Variants in MAP4K1 observed in about 807,000 individuals in gnomAD.
MAP4K1 encodes mitogen-activated protein kinase kinase kinase kinase 1, also known as MAPK/ERK kinase kinase kinase 1.
A neutral mutation model predicts 122.8 loss-of-function variants in MAP4K1; 35 were observed. That is an observed-to-expected ratio of 0.29 (90% CI 0.22 to 0.38). MAP4K1 has a LOEUF of 0.38. Among genes scored for constraint, MAP4K1 ranks in the 10% least tolerant of loss-of-function variants. The pLI is 1.00. For missense variants in MAP4K1, 791 were observed against 1,072.6 expected (o/e 0.74, Z 3.67); for synonymous variants, 412 against 421.3 (o/e 0.98, Z 0.27).
intron 22 of MAP4K1, 57 bp downstream of exon 22, chr19:38,599,868 C>A: frequency 1.3e-6 from 2 of 1,549,686 alleles, no homozygotes; most frequent in Non-Finnish European, 1.8e-6. Flanking sequence ...TCCCAGCCCC[C>A]GAACCCTTGG....
rs1229890305 is a variant in MAP4K1, at chr19:38,597,189, C to T, written c.1838-52G>A. On this transcript the variant is annotated intron_variant, in intron 24 of 30. Coordinates refer to ENST00000396857, the MANE Select transcript of MAP4K1 (RefSeq NM_001042600.3). This position sits in a 1 kb window ranked among gnomAD's most constrained non-coding sequence, Gnocchi z 4.6. ...GATCAATGCCCTCTATCCTCCTCGC[C>T]ACCCACACTACCACCCATCTTCTGG... is the stretch of plus-strand genomic sequence containing the variant. The T allele has an allele frequency of 6.2e-7, 1 of 1,600,568 alleles. No individual in the cohort carries two copies. Among genetic ancestry groups the T allele is most frequent in the Non-Finnish European group, 8.6e-7 (1 of 1,168,080 alleles).
rs1265303754 is a variant in MAP4K1, at chr19:38,617,508, CCAGTG to C, written c.157+55_157+59del. ...GGAGAGAGCTACAGGGGAGGTGATC[CCAGTG>C]TCCCAGGAGGCGAAGGTGGGGATGT... On this transcript the variant is annotated intron_variant, in intron 2 of 30. Coordinates refer to ENST00000396857, the MANE Select transcript of MAP4K1 (RefSeq NM_001042600.3). This position sits in a 1 kb window ranked among gnomAD's most constrained non-coding sequence, Gnocchi z 4.1. 1.1e-3 allele frequency: 1,731 copies of C among 1,608,526 alleles called. 16 individuals are homozygous for C. The African/African-American group carries it at 0.021, about 20-fold the overall frequency.
In MAP4K1 at chr19:38,596,468, G is replaced by C; in HGVS notation, c.1960C>G (p.Pro654Ala). ...AGCGCGAACACGGACAGAGGCGTCG[G>C]CAGTGGGAACAGCACCTGCTGCGGG... ...LLVRQVLFPLPTPLSVFALLT... is the reference protein window; with the variant it reads ...LLVRQVLFPLATPLSVFALLT... The change falls in exon 26 of 31, where the codon CCG (proline) becomes GCG (alanine). Residue 654 changes from proline to alanine, a missense_variant. Coordinates refer to ENST00000396857, the MANE Select transcript of MAP4K1 (RefSeq NM_001042600.3). The C allele has an allele frequency of 6.4e-7, 1 of 1,571,492 alleles. No homozygotes were observed. The highest frequency in any genetic ancestry group is 8.6e-7 in the Non-Finnish European group (1 of 1,162,166).
rs1027974708 is a variant in MAP4K1, at chr19:38,615,252, GGGA to G, written c.314-810_314-808del. On this transcript the variant is annotated intron_variant, in intron 4 of 30. Transcript: ENST00000396857. ...TGGAGTGGAGGGGGAGGAGGAAAGT[GGGA>G]GGAGGTGAGATTGGCCAGCATGGGG... Among the ~76,000 whole-genome samples, 26 of 151,960 alleles carry G rather than the reference GGGA, an allele frequency of 1.7e-4. 1 individual carries two copies. The highest frequency in any genetic ancestry group is 6.3e-4 in the African/African-American group (26 of 41,458).
At chr19:38,602,712 A>G (rs1975126186) in intron 19 of MAP4K1, among the ~76,000 whole-genome samples, 1 of 149,642 alleles carries the variant, frequency 6.7e-6, no homozygotes, top group African/African-American at 2.4e-5. Context: ...ACATGTATAC[A>G]TATATACACA....
intron 19 of MAP4K1, among the ~76,000 whole-genome samples, chr19:38,604,538 C>A (rs1476688650): frequency 6.6e-6 from 1 of 152,186 alleles, no homozygotes; most frequent in African/African-American, 2.4e-5. Flanking sequence ...TGACTGTAAT[C>A]CCAGCACTTT....
At chr19:38,605,042 G>A (rs181115114) in intron 19 of MAP4K1, among the ~76,000 whole-genome samples, 1 of 149,608 alleles carries the variant, frequency 6.7e-6, no homozygotes, top group East Asian at 2.0e-4. Flanking sequence ...AGCTAAGATC[G>A]CGCCACTGTA....
At position 38,617,952 on chromosome 19, in the gene MAP4K1, C is replaced by A. The variant is rs1394295376; in HGVS notation, c.-57G>T. ...GGGCCAGCAGGGCCTCAGGGCTCAACTTCTGGCACCTCCCTCCGTCCCCAG... is the reference window on the plus strand; with the variant it reads ...GGGCCAGCAGGGCCTCAGGGCTCAAATTCTGGCACCTCCCTCCGTCCCCAG... On this transcript the variant is annotated 5_prime_UTR_variant, in exon 1 of 31. Coordinates refer to ENST00000396857, the MANE Select transcript of MAP4K1 (RefSeq NM_001042600.3). This position sits in a 1 kb window ranked among gnomAD's most constrained non-coding sequence, Gnocchi z 4.1. 1.2e-5 allele frequency: 17 copies of A among 1,425,274 alleles called. No individual in the cohort carries two copies. The highest frequency in any genetic ancestry group is 1.7e-5 in the Non-Finnish European group (17 of 1,010,272). The allele number at this position is 1,425,274 out of a possible 1,614,324, so 88.3% of individuals were successfully genotyped here. A position where few individuals can be genotyped will look rare whatever the true frequency, so the allele number is the denominator to read the frequency against.
chr19:38,601,087 T>C (rs1346405328), intron 20 of MAP4K1, among the ~76,000 whole-genome samples: 1 of 152,094 alleles, frequency 6.6e-6, no homozygotes, highest in African/African-American at 2.4e-5. Flanking sequence ...ATTACAGGCG[T>C]GAGCCACCAT....
intron 25 of MAP4K1, 135 bp from the exon 26 acceptor site, chr19:38,596,621 G>T: frequency 3.8e-6 from 3 of 785,970 alleles, no homozygotes; most frequent in Non-Finnish European, 5.9e-6. Context: ...AATGTCAGGG[G>T]ATAAGGCCTG....
At chr19:38,589,530 C>T (rs1974642071) in intron 30 of MAP4K1, among the ~76,000 whole-genome samples, 1 of 151,510 alleles carries the variant, frequency 6.6e-6, no homozygotes, top group Non-Finnish European at 1.5e-5. Context: ...CTTCTCCTGC[C>T]TCAGCCTCCC....
chr19:38,602,544 A>G lies in MAP4K1; in HGVS notation c.1447-1019T>C, dbSNP rs532153761. Among the ~76,000 whole-genome samples the G allele has an allele frequency of 2.0e-5, 3 of 147,984 alleles. No homozygotes were observed. The East Asian group carries it at 5.9e-4, about 29-fold the overall frequency. ...TACGCATATACATATATACACATAT[A>G]CATATATATACACACATATACATAT... On this transcript the variant is annotated intron_variant, in intron 19 of 30. Transcript: ENST00000396857.
chr19:38,599,779 G>A, intron 22 of MAP4K1, 146 bp downstream of exon 22: 1 of 779,064 alleles, frequency 1.3e-6, no homozygotes, highest in Non-Finnish European at 2.2e-6. Flanking sequence ...GGGGAGCACA[G>A]TCAAAAAGTG....
chr19:38,603,123 T>G (rs1167584344), intron 19 of MAP4K1, among the ~76,000 whole-genome samples: 1 of 115,982 alleles, frequency 8.6e-6, no homozygotes, highest in South Asian at 3.7e-4. Flanking sequence ...CACATGTACA[T>G]ATATACGCAT....
intron 13 of MAP4K1, among the ~76,000 whole-genome samples, chr19:38,608,799 CAAAAAAAAAA>C (rs1031744033): frequency 2.9e-3 from 28 of 9,556 alleles, no homozygotes; most frequent in Non-Finnish European, 2.2e-3. Flanking sequence ...AACTCCGTCT[CAAAAAAAAAA>C]AAAAAAAAAA....
At chr19:38,615,757 A>C (rs1044622298) in intron 4 of MAP4K1, among the ~76,000 whole-genome samples, 61 of 152,232 alleles carry the variant, frequency 4.0e-4, no homozygotes, top group African/African-American at 1.5e-3. Context: ...TCCCAGAATC[A>C]AACGATTCTC....
rs1374090903 is a variant in MAP4K1 at position 38,590,415 on chromosome 19, A to G, written c.2397-2598T>C. Among the ~76,000 whole-genome samples, 9 of 89,508 alleles carry G rather than the reference A, an allele frequency of 1.0e-4. 1 individual carries two copies. Among genetic ancestry groups the G allele is most frequent in the South Asian group, 4.2e-4 (1 of 2,394 alleles). The allele number at this position is 89,508 out of a possible 152,430, so 58.7% of individuals were successfully genotyped here. On this transcript the variant is annotated intron_variant, in intron 30 of 30. Transcript: ENST00000396857. ...AAAAAATATATATATATATATATATATATATATATATATATATATATAATC... is the reference window on the plus strand; with the variant it reads ...AAAAAATATATATATATATATATATGTATATATATATATATATATATAATC...
At chr19:38,600,799 ATTTTTTTTTT>A (rs560496607) in intron 20 of MAP4K1, among the ~76,000 whole-genome samples, 2 of 90,958 alleles carry the variant, frequency 2.2e-5, no homozygotes, top group Non-Finnish European at 4.3e-5. Flanking sequence ...CCCTCTACCC[ATTTTTTTTTT>A]TTTTTTTTTT....
chr19:38,603,205 C>T (rs1376997153), intron 19 of MAP4K1, among the ~76,000 whole-genome samples: 2 of 143,248 alleles, frequency 1.4e-5, no homozygotes, highest in East Asian at 4.0e-4. Context: ...CATATATACA[C>T]ATACATATAT....
Sources: gnomAD v4.1 joint callset for allele counts (sites outside exome capture counted in the v4.1 genomes callset) on GRCh38, gnomAD v4.1.1 for gene constraint, Gnocchi (gnomAD v3.1) non-coding constraint, MANE v1.5 for transcripts, NCBI Gene and HGNC (gene_info 2026-07-23, HGNC 2026-07-21) for gene names.